Variants in ILRUN observed in about 807,000 individuals in gnomAD.
The protein encoded by ILRUN is protein ILRUN.
ILRUN carries 3 observed loss-of-function variants against 33.8 expected under a neutral mutation model. The ratio of observed to expected loss-of-function variants is 0.09; its 90% CI spans 0.04 to 0.23. ILRUN has a LOEUF of 0.23. Among genes scored for constraint, ILRUN ranks in the 10% least tolerant of loss-of-function variants. The pLI, the probability that ILRUN is intolerant of heterozygous loss-of-function variation, is 1.00. For synonymous variants in ILRUN, 124 were observed against 138.9 expected, an observed-to-expected ratio of 0.89 and a Z score of 0.75; for missense variants, 210 against 375.1, an observed-to-expected ratio of 0.56 and a Z score of 3.64.
intron 1 of ILRUN, among the ~76,000 whole-genome samples, chr6:34,663,285 T>C (rs1352455967): frequency 6.6e-6 from 1 of 151,816 alleles, no homozygotes; most frequent in Non-Finnish European, 1.5e-5. Context: ...TATCTGGGTA[T>C]AGTGGCGCGT....
Position 34,587,974 on chromosome 6 carries a change from TAA to T in ILRUN, c.*2589_*2590del. On this transcript the variant is annotated 3_prime_UTR_variant, in exon 5 of 5. Coordinates refer to ENST00000374023, the MANE Select transcript of ILRUN (RefSeq NM_024294.4). ...GTGGCCTGCCACTTGGTGAAGATTCTAAGAGGAGCAGGGACTATTGGGGCTGA... is the reference window on the plus strand; with the variant it reads ...GTGGCCTGCCACTTGGTGAAGATTCTGAGGAGCAGGGACTATTGGGGCTGA... 1 of 397,812 alleles carries T rather than the reference TAA, an allele frequency of 2.5e-6. No homozygotes were observed. The highest frequency in any genetic ancestry group is 4.4e-6 in the Non-Finnish European group (1 of 226,008). 24.6% of individuals were successfully genotyped at this position (397,812 alleles called of 1,614,324 possible).
rs562220361 is a variant in ILRUN, at chr6:34,645,582, G to A, written c.511+1019C>T. On this transcript the variant is annotated intron_variant, in intron 3 of 4. Transcript: ENST00000374023. The stretch of plus-strand genomic sequence containing the variant: ...AGACAGGGTCTCTCTGTTTTGCCCA[G>A]GCTGATCTCGAGCCTCTGGGTTCAT... Among the ~76,000 whole-genome samples the A allele has an allele frequency of 7.2e-5, 11 of 152,152 alleles. No individual in the cohort carries two copies. The South Asian group carries it at 1.7e-3, about 23-fold the overall frequency.
At chr6:34,683,529 C>CATATATATATATATATATATATATAT (rs1562033466) in intron 1 of ILRUN, among the ~76,000 whole-genome samples, 2 of 82,214 alleles carry the variant, frequency 2.4e-5, no homozygotes, top group African/African-American at 7.7e-5. Flanking sequence ...TATATATATA[C>CATATATATATATATATATATATATAT]ATATTGCACA....
chr6:34,685,542 T>G (rs1051870291), intron 1 of ILRUN: 2 of 152,040 alleles, frequency 1.3e-5, no homozygotes, highest in African/African-American at 4.8e-5. Flanking sequence ...GACACCCAAA[T>G]GGCATAGCAC....
At chr6:34,693,625 C>A (rs1763693083) in intron 1 of ILRUN, among the ~76,000 whole-genome samples, 1 of 151,382 alleles carries the variant, frequency 6.6e-6, no homozygotes, top group Admixed American at 6.6e-5. Context: ...TGGCTTTGAG[C>A]ATAAGTTTTT....
chr6:34,609,974 C>A (rs2744975), intron 3 of ILRUN, among the ~76,000 whole-genome samples: 4 of 151,718 alleles, frequency 2.6e-5, no homozygotes, highest in Admixed American at 1.3e-4. Flanking sequence ...CTGGCTAACA[C>A]GGTGAAACCC....
At chr6:34,639,073 T>C (rs1762419785) in intron 3 of ILRUN, among the ~76,000 whole-genome samples, 1 of 152,082 alleles carries the variant, frequency 6.6e-6, no homozygotes, top group South Asian at 2.1e-4. Flanking sequence ...TGCTATAAAA[T>C]GGAGAAAGTA....
chr6:34,600,958 C>T (rs912000753), intron 4 of ILRUN, among the ~76,000 whole-genome samples: 4 of 152,126 alleles, frequency 2.6e-5, no homozygotes, highest in East Asian at 1.9e-4. Flanking sequence ...CTTATCACCC[C>T]GGTACATGAC....
rs1354500077 is a variant in ILRUN at position 34,590,190 on chromosome 6, C to T, written c.*375G>A. The T allele has an allele frequency of 6.0e-6, 1 of 165,896 alleles. No homozygotes were observed. The highest frequency in any genetic ancestry group is 2.4e-5 in the African/African-American group (1 of 41,986). The allele number at this position is 165,896 out of a possible 1,614,324, so 10.3% of individuals were successfully genotyped here. ...AGAGGGAAAAAAATTAACATGTGCT[C>T]AAAACTACAACCTTTCTGTAGGCAA... On this transcript the variant is annotated 3_prime_UTR_variant, in exon 5 of 5. Coordinates refer to ENST00000374023, the MANE Select transcript of ILRUN (RefSeq NM_024294.4).
At chr6:34,669,252 T>C (rs1214112567) in intron 1 of ILRUN, among the ~76,000 whole-genome samples, 1 of 151,020 alleles carries the variant, frequency 6.6e-6, no homozygotes, top group Non-Finnish European at 1.5e-5. Flanking sequence ...GCCTGCGGAG[T>C]AGCTGGGACT....
chr6:34,651,450 T>A (rs764786794), intron 2 of ILRUN, among the ~76,000 whole-genome samples: 28 of 152,066 alleles, frequency 1.8e-4, no homozygotes, highest in Non-Finnish European at 3.1e-4. Context: ...AACTACTACA[T>A]ACCAACCTCC....
chr6:34,622,371 A>C (rs1215805598), intron 3 of ILRUN, among the ~76,000 whole-genome samples: 1 of 152,218 alleles, frequency 6.6e-6, no homozygotes, highest in Non-Finnish European at 1.5e-5. Context: ...ACAACTCAAC[A>C]GAAAACACAA....
intron 2 of ILRUN, among the ~76,000 whole-genome samples, chr6:34,650,278 T>C (rs929463769): frequency 3.9e-5 from 6 of 152,286 alleles, no homozygotes; most frequent in South Asian, 2.1e-4. Flanking sequence ...AAGCTTCCAA[T>C]GCTTCCACAG....
At chr6:34,637,843 T>TTGTTGTTGCTGC (rs1554185644) in intron 3 of ILRUN, among the ~76,000 whole-genome samples, 8 of 141,350 alleles carry the variant, frequency 5.7e-5, no homozygotes, top group African/African-American at 1.6e-4. Context: ...GCTGTTGTTG[T>TTGTTGTTGCTGC]TGCTGCTGCT....
intron 1 of ILRUN, among the ~76,000 whole-genome samples, chr6:34,676,942 C>A (rs1333834504): frequency 6.6e-6 from 1 of 151,406 alleles, no homozygotes; most frequent in African/African-American, 2.4e-5. Flanking sequence ...CCTTGACCTG[C>A]CAATTCCGCT....
At chr6:34,681,096 C>G (rs1763349612) in intron 1 of ILRUN, among the ~76,000 whole-genome samples, 1 of 151,794 alleles carries the variant, frequency 6.6e-6, no homozygotes, top group Admixed American at 6.6e-5. Flanking sequence ...AAATAAAATG[C>G]TGACCAGAAA....
Position 34,590,047 on chromosome 6 carries a change from A to G in ILRUN, c.*518T>C, listed in dbSNP as rs1161659952. The G allele has an allele frequency of 6.4e-6, 1 of 155,084 alleles. No homozygotes were observed. The highest frequency in any genetic ancestry group is 1.4e-5 in the Non-Finnish European group (1 of 69,654). The allele number at this position is 155,084 out of a possible 1,614,324, so 9.6% of individuals were successfully genotyped here. On this transcript the variant is annotated 3_prime_UTR_variant, in exon 5 of 5. Coordinates refer to ENST00000374023, the MANE Select transcript of ILRUN (RefSeq NM_024294.4). ...GGCAGGGCAGATGTACTCCTGTAGC[A>G]CTGATCCGCAGAGTCCTCAAACATG...
At chr6:34,681,189 C>T (rs1019351719) in intron 1 of ILRUN, among the ~76,000 whole-genome samples, 6 of 152,102 alleles carry the variant, frequency 3.9e-5, no homozygotes, top group African/African-American at 1.2e-4. Flanking sequence ...TTATGAATCA[C>T]TGACCTCAAG....
chr6:34,607,468 TTC>T (rs1761658897), intron 3 of ILRUN, among the ~76,000 whole-genome samples: 1 of 152,218 alleles, frequency 6.6e-6, no homozygotes, highest in African/African-American at 2.4e-5. Flanking sequence ...CCTGGCTATC[TTC>T]TCAATCTATT....
Sources: gnomAD v4.1 joint callset for allele counts (sites outside exome capture counted in the v4.1 genomes callset) on GRCh38, gnomAD v4.1.1 for gene constraint, MANE v1.5 for transcripts, NCBI Gene and HGNC (gene_info 2026-07-23, HGNC 2026-07-21) for gene names.